SLC30A7: variants seen among roughly 807,000 people sequenced by gnomAD.
SLC30A7 encodes the protein zinc transporter 7.
Under a neutral mutation model 46.0 loss-of-function variants are expected in SLC30A7, and 35 were observed. The ratio of observed to expected loss-of-function variants is 0.76; its 90% CI spans 0.58 to 1.01. The LOEUF (loss-of-function observed/expected upper bound fraction) is 1.01. Ranked by LOEUF, SLC30A7 falls within the 50% of genes least tolerant of loss-of-function variation. The pLI, the probability that SLC30A7 is intolerant of heterozygous loss-of-function variation, is 0.00. For synonymous variants in SLC30A7, 147 were observed against 157.8 expected, an observed-to-expected ratio of 0.93 and a Z score of 0.51; for missense variants, 464 against 451.1, an observed-to-expected ratio of 1.03 and a Z score of -0.26.
chr1:100,965,990 C>T, intron 10 of SLC30A7, 72 bp downstream of exon 10: 1 of 1,360,938 alleles, frequency 7.3e-7, no homozygotes, highest in Non-Finnish European at 1.0e-6. Context: ...AAAATATTTA[C>T]AAGGCCAATG....
intron 8 of SLC30A7, among the ~76,000 whole-genome samples, chr1:100,931,543 A>AT (rs199747674): frequency 0.11 from 16,207 of 151,520 alleles, 930 homozygotes; most frequent in Middle Eastern, 0.22. Context: ...CTCACTGAGT[A>AT]TTTTTTTTTA....
intron 2 of SLC30A7, among the ~76,000 whole-genome samples, chr1:100,899,687 C>G (rs1247487870): frequency 1.3e-5 from 2 of 151,824 alleles, no homozygotes; most frequent in African/African-American, 4.8e-5. Flanking sequence ...TGTTTCAAAA[C>G]AAAACAAAAA....
At chr1:100,965,502 A>T (rs1655810861) in intron 9 of SLC30A7, among the ~76,000 whole-genome samples, 1 of 152,222 alleles carries the variant, frequency 6.6e-6, no homozygotes, top group African/African-American at 2.4e-5. Flanking sequence ...AGTGATTGTT[A>T]CTGTAAATTT....
At chr1:100,931,035 T>A (rs11578327) in intron 8 of SLC30A7, among the ~76,000 whole-genome samples, 16,156 of 152,206 alleles carry the variant, frequency 0.11, 926 homozygotes, top group Middle Eastern at 0.22. Context: ...AATCATTTTC[T>A]GTGTTCATTG....
rs1656918387 is a variant in SLC30A7 at position 100,981,296 on chromosome 1, G to A, written c.*6439G>A. On this transcript the variant is annotated 3_prime_UTR_variant, in exon 11 of 11. Transcript: ENST00000357650. ...AATTCAGTGAAATTTTTTCCCAAGT[G>A]ATATTTTCCCCCAACTTTTGTGAGT... 6.6e-6 allele frequency: 1 copy of A among 152,058 alleles called. No individual in the cohort carries two copies. The highest frequency in any genetic ancestry group is 2.1e-4 in the South Asian group (1 of 4,826). 9.4% of individuals were successfully genotyped at this position (152,058 alleles called of 1,614,324 possible).
At position 100,896,242 on chromosome 1, in the gene SLC30A7, G is replaced by A; in HGVS notation, c.-21G>A. The A allele has an allele frequency of 1.2e-6, 2 of 1,613,230 alleles. No individual in the cohort carries two copies. Among genetic ancestry groups the A allele is most frequent in the Non-Finnish European group, 1.7e-6 (2 of 1,179,146 alleles). The stretch of plus-strand genomic sequence containing the variant: ...CCACTTCTAGAGGGGAGTAGACCCG[G>A]CCCTTCGCCGGGCAGAGAAGATGTT... On this transcript the variant is annotated 5_prime_UTR_variant, in exon 1 of 11. Coordinates refer to ENST00000357650, the MANE Select transcript of SLC30A7 (RefSeq NM_133496.5).
At chr1:100,962,209 C>T (rs1046170698) in intron 9 of SLC30A7, among the ~76,000 whole-genome samples, 10 of 152,180 alleles carry the variant, frequency 6.6e-5, no homozygotes, top group African/African-American at 2.2e-4. Context: ...TGAGCTCCCA[C>T]TCTACCAGAT....
chr1:100,931,252 A>T (rs1255467520), intron 8 of SLC30A7, among the ~76,000 whole-genome samples: 1 of 152,210 alleles, frequency 6.6e-6, no homozygotes, highest in Non-Finnish European at 1.5e-5. Flanking sequence ...AGTATCAGGT[A>T]TTAATTCAGT....
intron 7 of SLC30A7, among the ~76,000 whole-genome samples, chr1:100,918,654 A>G (rs1216602026): frequency 1.3e-5 from 2 of 152,148 alleles, no homozygotes; most frequent in African/African-American, 4.8e-5. Context: ...TGCCTTGCCT[A>G]CCTTAAATGT....
chr1:100,951,369 G>GA (rs1654943365), intron 8 of SLC30A7, among the ~76,000 whole-genome samples: 2 of 151,612 alleles, frequency 1.3e-5, no homozygotes, highest in Admixed American at 1.3e-4. Context: ...ATGCTAATCA[G>GA]AAAAAAAAGC....
chr1:100,947,443 T>C (rs1654703227), intron 8 of SLC30A7, among the ~76,000 whole-genome samples: 2 of 152,242 alleles, frequency 1.3e-5, no homozygotes, highest in African/African-American at 4.8e-5. Flanking sequence ...TCTGTTCTTT[T>C]ACATTTGCTG....
intron 8 of SLC30A7, among the ~76,000 whole-genome samples, chr1:100,922,536 A>C (rs1168598899): frequency 6.6e-6 from 1 of 152,208 alleles, no homozygotes; most frequent in African/African-American, 2.4e-5. Context: ...AACCATTTTT[A>C]TTCATAAAGT....
At position 100,974,978 on chromosome 1, in the gene SLC30A7, T is replaced by A; in HGVS notation, c.*121T>A. On this transcript the variant is annotated 3_prime_UTR_variant, in exon 11 of 11. Transcript: ENST00000357650. ...ATCACTACAACTCCCGAGCACTAAG[T>A]AGACGGGGTAGAGTCAGCCGTTCAT... 1.5e-6 allele frequency: 1 copy of A among 675,436 alleles called. No individual in the cohort carries two copies. The highest frequency in any genetic ancestry group is 2.4e-6 in the Non-Finnish European group (1 of 417,598). The allele number at this position is 675,436 out of a possible 1,614,324, so 41.8% of individuals were successfully genotyped here.
At chr1:100,944,129 G>A (rs1654494317) in intron 8 of SLC30A7, among the ~76,000 whole-genome samples, 1 of 152,176 alleles carries the variant, frequency 6.6e-6, no homozygotes, top group African/African-American at 2.4e-5. Context: ...AGTCTCTGCA[G>A]CATCTGCCTC....
intron 2 of SLC30A7, among the ~76,000 whole-genome samples, chr1:100,897,388 T>C (rs143247529): frequency 6.6e-6 from 1 of 152,138 alleles, no homozygotes; most frequent in South Asian, 2.1e-4. Context: ...TAAGGTCTTA[T>C]GAAGTTGTTC....
intron 8 of SLC30A7, among the ~76,000 whole-genome samples, chr1:100,943,006 T>TA (rs1420827462): frequency 2.0e-5 from 3 of 152,216 alleles, no homozygotes. Context: ...CACATTCCTT[T>TA]AAGGCTCAAA....
chr1:100,943,699 G>A (rs1654474952), intron 8 of SLC30A7, among the ~76,000 whole-genome samples: 1 of 152,134 alleles, frequency 6.6e-6, no homozygotes, highest in Admixed American at 6.5e-5. Context: ...CAGGAAATGG[G>A]TCAAAGACCA....
chr1:100,945,348 T>G (rs758984885), intron 8 of SLC30A7, among the ~76,000 whole-genome samples: 1 of 152,228 alleles, frequency 6.6e-6, no homozygotes, highest in African/African-American at 2.4e-5. Flanking sequence ...GTTTTAGTCA[T>G]GAAGTCCTTG....
At chr1:100,963,828 G>C (rs1162874724) in intron 9 of SLC30A7, among the ~76,000 whole-genome samples, 1 of 152,058 alleles carries the variant, frequency 6.6e-6, no homozygotes. Context: ...TTAACTGATG[G>C]TAACAGTCTG....
Sources: gnomAD v4.1 joint callset for allele counts (sites outside exome capture counted in the v4.1 genomes callset) on GRCh38, gnomAD v4.1.1 for gene constraint, MANE v1.5 for transcripts, NCBI Gene and HGNC (gene_info 2026-07-23, HGNC 2026-07-21) for gene names.